NRXN3: variants seen among roughly 807,000 people sequenced by gnomAD.
NRXN3 encodes the protein neurexin III.
A neutral mutation model predicts 137.6 loss-of-function variants in NRXN3; 32 were observed. The observed-to-expected ratio is 0.23, with a 90% CI of 0.18 to 0.31. The LOEUF is 0.31. NRXN3 is among the 10% of genes least tolerant of loss of function. The pLI, the probability that NRXN3 is intolerant of heterozygous loss-of-function variation, is 1.00. For missense variants in NRXN3, 1,574 were observed against 2,062.5 expected (o/e 0.76, Z 4.59); for synonymous variants, 798 against 784.5 (o/e 1.02, Z -0.29).
At chr14:78,421,527 G>T (rs17107535) in intron 4 of NRXN3, among the ~76,000 whole-genome samples, 1 of 151,982 alleles carries the variant, frequency 6.6e-6, no homozygotes, top group Non-Finnish European at 1.5e-5. Context: ...ATAGATTTAG[G>T]TATAAAATGG....
At chr14:78,381,039 A>T (rs1246473803) in intron 4 of NRXN3, among the ~76,000 whole-genome samples, 2 of 152,322 alleles carry the variant, frequency 1.3e-5, no homozygotes, top group African/African-American at 4.8e-5. Flanking sequence ...TGCAAAAGTA[A>T]TTCAATGGAG....
At chr14:79,772,097 C>T (rs2099080532) in intron 19 of NRXN3, among the ~76,000 whole-genome samples, 1 of 149,800 alleles carries the variant, frequency 6.7e-6, no homozygotes, top group African/African-American at 2.5e-5. Flanking sequence ...TCAAGGAGAA[C>T]TACAAACCAC....
At chr14:78,748,286 A>G (rs2098622739) in intron 8 of NRXN3, among the ~76,000 whole-genome samples, 1 of 152,170 alleles carries the variant, frequency 6.6e-6, no homozygotes, top group African/African-American at 2.4e-5. Context: ...GGAGTCAGCC[A>G]TGGGAAGGGG....
rs149034236 is a variant in NRXN3 at position 79,811,627 on chromosome 14, G to C, written c.4093+6437G>C. Among the ~76,000 whole-genome samples the C allele has an allele frequency of 2.1e-3, 305 of 144,834 alleles. 9 individuals are homozygous for C. In the East Asian group the frequency reaches 0.042, roughly 20 times the overall value. ...GATGGAGTGTCACTCTGTCGCCCAG[G>C]CTGGAGTGCAATGGCATGATCTCGG... On this transcript the variant is annotated intron_variant, in intron 20 of 20. Transcript: ENST00000335750.
At chr14:78,773,680 C>A (rs954943687) in intron 8 of NRXN3, among the ~76,000 whole-genome samples, 1 of 152,118 alleles carries the variant, frequency 6.6e-6, no homozygotes, top group Admixed American at 6.5e-5. Context: ...TTGCTCGACA[C>A]CCTTCCTCAG....
At chr14:79,395,950 T>C (rs2095010793) in intron 15 of NRXN3, among the ~76,000 whole-genome samples, 1 of 152,132 alleles carries the variant, frequency 6.6e-6, no homozygotes, top group South Asian at 2.1e-4. Context: ...ATGAGGTAAA[T>C]ATCTTAAAGA....
At chr14:78,355,260 C>A (rs189692691) in intron 4 of NRXN3, among the ~76,000 whole-genome samples, 1 of 152,216 alleles carries the variant, frequency 6.6e-6, no homozygotes, top group African/African-American at 2.4e-5. Flanking sequence ...TATCTTGTTC[C>A]CTTATCTCTC....
At chr14:79,391,457 C>A (rs552807698) in intron 15 of NRXN3, among the ~76,000 whole-genome samples, 2 of 152,286 alleles carry the variant, frequency 1.3e-5, no homozygotes, top group African/African-American at 4.8e-5. Context: ...TTTCATTCTG[C>A]TTCACTCATG....
At position 79,486,960 on chromosome 14, in the gene NRXN3, T is replaced by TCC. The variant is rs2096662760; in HGVS notation, c.3444+19560_3444+19561dup. Reference sequence around the variant, plus strand: ...CTCTCTCTCTCTCTCTCTCTCTCTCTCCCACACACACACACCCCAAGATAA... The same window carrying TCC: ...CTCTCTCTCTCTCTCTCTCTCTCTCTCCCCCACACACACACACCCCAAGATAA... On this transcript the variant is annotated intron_variant, in intron 16 of 20. Transcript: ENST00000335750. Among the ~76,000 whole-genome samples the TCC allele has an allele frequency of 7.1e-5, 8 of 112,100 alleles. 1 individual carries two copies. The highest frequency in any genetic ancestry group is 2.1e-4 in the African/African-American group (6 of 28,564). 73.5% of individuals were successfully genotyped at this position (112,100 alleles called of 152,430 possible).
At chr14:78,718,656 G>A (rs531680032) in intron 8 of NRXN3, among the ~76,000 whole-genome samples, 1 of 152,302 alleles carries the variant, frequency 6.6e-6, no homozygotes, top group South Asian at 2.1e-4. Context: ...CTGTGAAGAT[G>A]AGCTACTCTA....
chr14:78,876,647 T>C (rs2099114567), intron 10 of NRXN3, among the ~76,000 whole-genome samples: 1 of 152,212 alleles, frequency 6.6e-6, no homozygotes, highest in South Asian at 2.1e-4. Flanking sequence ...ATTAAAGGTT[T>C]GGTTACATGA....
Position 78,369,615 on chromosome 14 carries a change from G to A in NRXN3, c.757+71755G>A, listed in dbSNP as rs577797372. On this transcript the variant is annotated intron_variant, in intron 4 of 20. Coordinates refer to ENST00000335750, the MANE Select transcript of NRXN3 (RefSeq NM_001330195.2). The stretch of plus-strand genomic sequence containing the variant: ...GAATAGTGTATTAACCACCCTAGGT[G>A]ATGTGTTTTAACAGTTACTTATTGG... Among the ~76,000 whole-genome samples, 3 of 152,258 alleles carry A rather than the reference G, an allele frequency of 2.0e-5. No homozygotes were observed. The East Asian group carries it at 5.8e-4, about 29-fold the overall frequency.
intron 15 of NRXN3, among the ~76,000 whole-genome samples, chr14:79,268,671 A>C (rs2078819300): frequency 6.6e-6 from 1 of 152,222 alleles, no homozygotes; most frequent in South Asian, 2.1e-4. Context: ...TAGCAACAGA[A>C]TAGTAATGCC....
intron 10 of NRXN3, among the ~76,000 whole-genome samples, chr14:78,865,156 GA>G (rs1394023010): frequency 6.6e-6 from 1 of 151,878 alleles, no homozygotes; most frequent in East Asian, 1.9e-4. Flanking sequence ...TGTGAGCTAT[GA>G]AAAAAAGACA....
At chr14:79,116,793 T>C (rs1004914344) in intron 15 of NRXN3, among the ~76,000 whole-genome samples, 1 of 152,214 alleles carries the variant, frequency 6.6e-6, no homozygotes, top group Non-Finnish European at 1.5e-5. Context: ...GTTGTCTTGA[T>C]AATATTTTAT....
intron 4 of NRXN3, among the ~76,000 whole-genome samples, chr14:78,383,660 T>G (rs973338081): frequency 5.3e-5 from 8 of 152,180 alleles, no homozygotes; most frequent in Non-Finnish European, 1.0e-4. Context: ...GCGTCTTTAG[T>G]TTTTTTGAGT....
chr14:78,241,309 T>G (rs1342012339), intron 1 of NRXN3, among the ~76,000 whole-genome samples: 2 of 152,156 alleles, frequency 1.3e-5, no homozygotes, highest in Non-Finnish European at 2.9e-5. Context: ...GGAAGAGACC[T>G]AGGATTTGTT....
At chr14:78,316,965 C>A (rs2078778482) in intron 4 of NRXN3, among the ~76,000 whole-genome samples, 1 of 152,138 alleles carries the variant, frequency 6.6e-6, no homozygotes, top group Non-Finnish European at 1.5e-5. Context: ...TCCAGGGAAA[C>A]AAAACCAAGA....
At chr14:79,079,804 A>G (rs2046615291) in intron 15 of NRXN3, among the ~76,000 whole-genome samples, 1 of 152,098 alleles carries the variant, frequency 6.6e-6, no homozygotes, top group Non-Finnish European at 1.5e-5. Flanking sequence ...TCTGACTAAC[A>G]TGGAGAAACC....
Sources: gnomAD v4.1 joint callset for allele counts (sites outside exome capture counted in the v4.1 genomes callset) on GRCh38, gnomAD v4.1.1 for gene constraint, MANE v1.5 for transcripts, NCBI Gene and HGNC (gene_info 2026-07-23, HGNC 2026-07-21) for gene names.